The following MGAT5 variants were observed in gnomAD, a reference collection of about 807,000 sequenced individuals.
MGAT5 encodes the protein alpha-1,6-mannosylglycoprotein 6-beta-N-acetylglucosaminyltransferase, also known as alpha-1,6-mannosylglycoprotein 6-beta-N-acetylglucosaminyltransferase A.
In MGAT5, 30 loss-of-function variants were observed where a neutral mutation model predicts 94.3. That is an observed-to-expected ratio of 0.32 (90% CI 0.24 to 0.43). The LOEUF (loss-of-function observed/expected upper bound fraction) is 0.43, where lower values mean the gene tolerates loss of function less well. Ranked by LOEUF, MGAT5 falls within the 20% of genes least tolerant of loss-of-function variation. The pLI is 1.00. For synonymous variants in MGAT5, 310 were observed against 322.9 expected, an observed-to-expected ratio of 0.96 and a Z score of 0.43; for missense variants, 691 against 905.5, an observed-to-expected ratio of 0.76 and a Z score of 3.04.
At chr2:134,204,241 G>A (rs1237890437) in intron 1 of MGAT5, among the ~76,000 whole-genome samples, 7 of 152,152 alleles carry the variant, frequency 4.6e-5, no homozygotes, top group African/African-American at 1.4e-4. Context: ...GTGCAGTCAC[G>A]TATTCATCTA....
chr2:134,271,089 G>A (rs905299983), intron 2 of MGAT5, among the ~76,000 whole-genome samples: 1 of 152,142 alleles, frequency 6.6e-6, no homozygotes, highest in Non-Finnish European at 1.5e-5. Context: ...ACCACCATGC[G>A]GTTCCCACTG....
At chr2:134,411,833 G>C (rs1020448522) in intron 11 of MGAT5, among the ~76,000 whole-genome samples, 2 of 152,242 alleles carry the variant, frequency 1.3e-5, no homozygotes, top group African/African-American at 4.8e-5. Context: ...ACCTGGCCTT[G>C]TGGTTGGGTG....
At chr2:134,189,597 T>TTTTTTTGTTTTG (rs796171408) in intron 1 of MGAT5, among the ~76,000 whole-genome samples, 8 of 87,192 alleles carry the variant, frequency 9.2e-5, no homozygotes, top group East Asian at 5.2e-4. Flanking sequence ...CTCTAGTTTT[T>TTTTTTTGTTTTG]TTTTGTTTTT....
chr2:134,305,370 G>A lies in MGAT5; in HGVS notation c.407-12159G>A, dbSNP rs375662381. Among the ~76,000 whole-genome samples the A allele has an allele frequency of 3.9e-5, 6 of 152,230 alleles. No individual in the cohort carries two copies. In the East Asian group the frequency reaches 7.7e-4, roughly 20 times the overall value. On this transcript the variant is annotated intron_variant, in intron 2 of 15. Transcript: ENST00000281923. ...TGTTTCTAACCAACAGCTATAAGAC[G>A]CTTGTGACAAGTGATTCAGAAAGTG...
intron 10 of MGAT5, among the ~76,000 whole-genome samples, chr2:134,385,616 A>G (rs547072354): frequency 6.6e-6 from 1 of 152,328 alleles, no homozygotes; most frequent in African/African-American, 2.4e-5. Context: ...AGAGGACAAC[A>G]TAGTTTTTAA....
At chr2:134,249,710 T>C (rs550341391), upstream of MGAT5, among the ~76,000 whole-genome samples, 30 of 152,390 alleles carry the variant, frequency 2.0e-4, no homozygotes, top group Non-Finnish European at 1.5e-5. Context: ...GTATGGATAC[T>C]GCTGCTGAGT....
chr2:134,184,350 C>A (rs1407780729), intron 1 of MGAT5, among the ~76,000 whole-genome samples: 1 of 152,170 alleles, frequency 6.6e-6, no homozygotes, highest in African/African-American at 2.4e-5. Context: ...TTGGCCTCTC[C>A]CTGCCTGTCT....
In MGAT5 at chr2:134,138,002, T is replaced by G. The variant is rs182630592; in HGVS notation, c.-143+17711T>G. Among the ~76,000 whole-genome samples the G allele has an allele frequency of 4.6e-5, 7 of 151,950 alleles. No individual in the cohort carries two copies. In the East Asian group the frequency reaches 5.8e-4, roughly 13 times the overall value. On this transcript the variant is annotated intron_variant, in intron 1 of 16. Coordinates refer to the MGAT5 transcript ENST00000409645. The stretch of plus-strand genomic sequence containing the variant: ...CACAATTAGGCCTGTTTTTTTTTTT[T>G]TTGTTTTGAGACAGAGTCTTGCTCT...
chr2:134,412,753 T>C (rs575287194), intron 11 of MGAT5, 116 bp from the exon 12 acceptor site: 2 of 1,295,092 alleles, frequency 1.5e-6, no homozygotes, highest in Non-Finnish European at 2.2e-6. Context: ...CCTTCCAAAG[T>C]GAGGTGTCCA....
chr2:134,199,470 GGCTGCA>G (rs1679662883), intron 1 of MGAT5, among the ~76,000 whole-genome samples: 2 of 151,806 alleles, frequency 1.3e-5, no homozygotes, highest in African/African-American at 4.8e-5. Flanking sequence ...GCTGGCTGCT[GGCTGCA>G]ACTGTATTTT....
At chr2:134,402,472 A>C (rs1459220132) in intron 10 of MGAT5, among the ~76,000 whole-genome samples, 1 of 152,228 alleles carries the variant, frequency 6.6e-6, no homozygotes, top group Non-Finnish European at 1.5e-5. Context: ...CAGTTCTGAC[A>C]ACATGAGTTA....
rs186449172 is a variant in MGAT5, at chr2:134,432,732, A to C, written c.1869+4293A>C. ...GTTTCTGACCTTGGGCAAGTTACCTAACATCTCTATGCTCTTTCCTCTTCT... is the reference window on the plus strand; with the variant it reads ...GTTTCTGACCTTGGGCAAGTTACCTCACATCTCTATGCTCTTTCCTCTTCT... On this transcript the variant is annotated intron_variant, in intron 14 of 15. Coordinates refer to ENST00000281923, the MANE Select transcript of MGAT5 (RefSeq NM_002410.5). Among the ~76,000 whole-genome samples, 33 of 152,330 alleles carry C rather than the reference A, an allele frequency of 2.2e-4. No homozygotes were observed. In the East Asian group the frequency reaches 5.2e-3, roughly 24 times the overall value.
At chr2:134,422,477 C>G (rs1023337099) in intron 12 of MGAT5, among the ~76,000 whole-genome samples, 1 of 152,090 alleles carries the variant, frequency 6.6e-6, no homozygotes. Flanking sequence ...CTGGTTTGAT[C>G]TAGTAATAGG....
chr2:134,410,971 G>A (rs746824226), intron 11 of MGAT5, among the ~76,000 whole-genome samples: 8 of 152,152 alleles, frequency 5.3e-5, no homozygotes, highest in Non-Finnish European at 1.0e-4. Flanking sequence ...CTGGAGAGCC[G>A]GCACATCCTC....
intron 1 of MGAT5, among the ~76,000 whole-genome samples, chr2:134,178,934 A>G (rs1382298183): frequency 1.3e-5 from 2 of 152,210 alleles, no homozygotes; most frequent in Non-Finnish European, 2.9e-5. Flanking sequence ...GGTATAGTCC[A>G]TCTTCATTAT....
intron 14 of MGAT5, 39 bp from the exon 15 acceptor site, chr2:134,441,719 T>C (rs781460911): frequency 6.3e-7 from 1 of 1,585,654 alleles, no homozygotes; most frequent in Non-Finnish European, 8.6e-7. Context: ...CCCAGCTGTA[T>C]CCTTGGACCT....
intron 6 of MGAT5, among the ~76,000 whole-genome samples, chr2:134,339,368 G>A (rs1372665246): frequency 6.6e-6 from 1 of 152,118 alleles, no homozygotes; most frequent in Non-Finnish European, 1.5e-5. Context: ...TTATTTTTGA[G>A]AGAGAGAGGG....
chr2:134,130,204 C>A (rs1416584443), intron 1 of MGAT5, among the ~76,000 whole-genome samples: 3 of 60,340 alleles, frequency 5.0e-5, no homozygotes, highest in African/African-American at 6.4e-5. Flanking sequence ...TGGAGCCCGC[C>A]CCGCCCCACA....
At chr2:134,275,578 CTTTTTTTTTTTT>C (rs11409592) in intron 2 of MGAT5, among the ~76,000 whole-genome samples, 2 of 79,594 alleles carry the variant, frequency 2.5e-5, no homozygotes, top group African/African-American at 5.8e-5. Flanking sequence ...GTGCTATTTC[CTTTTTTTTTTTT>C]TTTTTTTTTT....
Sources: allele counts gnomAD v4.1 joint callset (sites outside exome capture counted in the v4.1 genomes callset), GRCh38; gene constraint gnomAD v4.1.1; transcripts MANE v1.5; gene names NCBI Gene and HGNC (gene_info 2026-07-23, HGNC 2026-07-21).